DMXL1: variants seen among roughly 807,000 people sequenced by gnomAD.
DMXL1 encodes Dmx like 1, also known as dmX-like protein 1.
DMXL1 carries 99 observed loss-of-function variants against 319.2 expected under a neutral mutation model. The observed-to-expected ratio is 0.31, with a 90% CI of 0.26 to 0.37. DMXL1 has a LOEUF of 0.37. DMXL1 is among the 10% of genes least tolerant of loss of function. The pLI is 1.00. For missense variants in DMXL1, 3,745 were observed against 3,595.6 expected, an observed-to-expected ratio of 1.04 and a Z score of -1.06; for synonymous variants, 1,385 against 1,235.2, an observed-to-expected ratio of 1.12 and a Z score of -2.54.
chr5:119,204,143 A>T (rs1031400737), intron 33 of DMXL1, among the ~76,000 whole-genome samples: 3 of 151,140 alleles, frequency 2.0e-5, no homozygotes, highest in Admixed American at 2.0e-4. Flanking sequence ...TATTGTATTT[A>T]TTTATCTTTT....
Position 119,247,107 on chromosome 5 carries a change from C to G in DMXL1, c.9035C>G (p.Ala3012Gly). The G allele has an allele frequency of 6.2e-7, 1 of 1,613,978 alleles. No homozygotes were observed. The highest frequency in any genetic ancestry group is 8.5e-7 in the Non-Finnish European group (1 of 1,179,912). ...TGVMQIETGP[A>G]NHIFSCGADG... ...GTGATGCAAATTGAGACAGGGCCTGCAAATCACATTTTCTCCTGTGGAGCT... is the reference window on the plus strand; with the variant it reads ...GTGATGCAAATTGAGACAGGGCCTGGAAATCACATTTTCTCCTGTGGAGCT... Residue 3012 changes from alanine to glycine, a missense_variant, in exon 44 of 44, where the codon GCA (alanine) becomes GGA (glycine). Physicochemically the swap from Ala to Gly is moderately conservative, Grantham distance 60 (BLOSUM62 0). Around this residue, in one of 4 missense-constraint regions of DMXL1, gnomAD observed 262 missense variants for 320.5 expected, o/e 0.82. Coordinates refer to ENST00000539542, the MANE Select transcript of DMXL1 (RefSeq NM_001290321.3).
At chr5:119,135,460 G>A (rs932039295) in intron 13 of DMXL1, among the ~76,000 whole-genome samples, 2 of 152,214 alleles carry the variant, frequency 1.3e-5, no homozygotes, top group African/African-American at 4.8e-5. Context: ...ATTTATTAAA[G>A]AGAATGTGAT....
At chr5:119,187,623 A>AT (rs990766063) in intron 28 of DMXL1, among the ~76,000 whole-genome samples, 15 of 151,640 alleles carry the variant, frequency 9.9e-5, no homozygotes, top group Middle Eastern at 3.4e-3. Context: ...GAAACTGCCG[A>AT]TTTTTTTTCC....
intron 1 of DMXL1, among the ~76,000 whole-genome samples, chr5:119,080,745 C>A (rs1752017068): frequency 6.6e-6 from 1 of 152,122 alleles, no homozygotes; most frequent in Non-Finnish European, 1.5e-5. Context: ...GGTATGAATT[C>A]TTCCCAATGC....
Position 119,171,813 on chromosome 5 carries a change from A to G in DMXL1, c.6525A>G (p.Ser2175=). ...AACCACTATTTTCTAGCCCTCTGTC[A>G]GAGCAAACCTCAGTGCCTCTCCTCT... ...TSEPLFSSPL[S]EQTSVPLLFA... Residue 2175 remains serine, a synonymous_variant, in exon 25 of 44, where the codon TCA becomes TCG. Transcript: ENST00000539542. The G allele has an allele frequency of 6.2e-7, 1 of 1,613,120 alleles. No homozygotes were observed. The highest frequency in any genetic ancestry group is 8.5e-7 in the Non-Finnish European group (1 of 1,179,574).
intron 40 of DMXL1, 123 bp from the exon 41 acceptor site, chr5:119,238,866 A>G: frequency 6.9e-7 from 1 of 1,456,682 alleles, no homozygotes; most frequent in Non-Finnish European, 9.0e-7. Context: ...GTTCAAAGGA[A>G]AAAAACGATA....
chr5:119,238,031 G>A (rs1788072868), intron 40 of DMXL1, among the ~76,000 whole-genome samples: 1 of 152,094 alleles, frequency 6.6e-6, no homozygotes, highest in South Asian at 2.1e-4. Context: ...ACTGATCTAA[G>A]TAAAAGCAAG....
At chr5:119,108,767 T>C (rs1225806627) in intron 4 of DMXL1, among the ~76,000 whole-genome samples, 1 of 151,852 alleles carries the variant, frequency 6.6e-6, no homozygotes, top group Non-Finnish European at 1.5e-5. Flanking sequence ...TTTTTAAATA[T>C]TTGGTTGAGA....
chr5:119,140,590 G>A (rs527967959), intron 13 of DMXL1, among the ~76,000 whole-genome samples: 8 of 152,036 alleles, frequency 5.3e-5, no homozygotes, highest in African/African-American at 1.4e-4. Context: ...AGACTAATAC[G>A]AGCTCCGAAA....
At chr5:119,152,089 G>T in intron 19 of DMXL1, 53 bp downstream of exon 19, 1 of 1,242,360 alleles carries the variant, frequency 8.0e-7, no homozygotes, top group Non-Finnish European at 1.1e-6. Context: ...GAAAATGAGA[G>T]ACTTGGGAGT....
At chr5:119,214,997 C>G (rs1310965143) in intron 34 of DMXL1, among the ~76,000 whole-genome samples, 3 of 152,084 alleles carry the variant, frequency 2.0e-5, no homozygotes, top group Non-Finnish European at 4.4e-5. Context: ...CTTTAGATGC[C>G]AGGCAGATTG....
In DMXL1 at chr5:119,244,550, A is replaced by G; in HGVS notation, c.8896A>G (p.Thr2966Ala). Reference sequence around the variant, plus strand: ...TGATCCAACTGAAGAGTACTTTGTTACAGGATCTGCCGAAGGCAATATAAA... The same window carrying G: ...TGATCCAACTGAAGAGTACTTTGTTGCAGGATCTGCCGAAGGCAATATAAA... The part of the protein sequence containing the change: ...AVDPTEEYFV[T>A]GSAEGNIKIW... Residue 2966 changes from threonine (T) to alanine (A), a missense_variant, in exon 43 of 44, where the codon ACA becomes GCA. This residue lies in a region of DMXL1 where 262 missense variants were observed against 320.5 expected (regional missense o/e 0.82). Transcript: ENST00000539542. The G allele has an allele frequency of 6.2e-7, 1 of 1,614,172 alleles. No homozygotes were observed. The highest frequency in any genetic ancestry group is 8.5e-7 in the Non-Finnish European group (1 of 1,179,994).
chr5:119,156,153 C>T (rs922533430), intron 19 of DMXL1, among the ~76,000 whole-genome samples: 1 of 152,202 alleles, frequency 6.6e-6, no homozygotes. Flanking sequence ...CTATAGCCAT[C>T]CCAGCCTTCA....
chr5:119,135,143 G>GT (rs1765715874), intron 13 of DMXL1, among the ~76,000 whole-genome samples: 1 of 152,094 alleles, frequency 6.6e-6, no homozygotes, highest in African/African-American at 2.4e-5. Flanking sequence ...TCCAAAGCAT[G>GT]TATATAGTAT....
intron 1 of DMXL1, chr5:119,081,804 A>G (rs1402775711): frequency 1.2e-6 from 1 of 848,016 alleles, no homozygotes; most frequent in African/African-American, 1.8e-5. Flanking sequence ...GCCATAAGTT[A>G]TAAAGGTTTT....
chr5:119,140,960 A>C (rs1284934093), intron 13 of DMXL1, among the ~76,000 whole-genome samples: 1 of 152,070 alleles, frequency 6.6e-6, no homozygotes, highest in Non-Finnish European at 1.5e-5. Context: ...AACATATGAA[A>C]ATTAAATGTG....
At chr5:119,184,620 A>G (rs1561821512) in intron 28 of DMXL1, among the ~76,000 whole-genome samples, 1 of 152,184 alleles carries the variant, frequency 6.6e-6, no homozygotes, top group Non-Finnish European at 1.5e-5. Context: ...TGCAAATCTG[A>G]AACTATACCC....
At chr5:119,128,350 G>T (rs1165383936) in intron 9 of DMXL1, 1 of 284,212 alleles carries the variant, frequency 3.5e-6, no homozygotes, top group Non-Finnish European at 6.9e-6. Flanking sequence ...TGGGAGACTG[G>T]AAAATCCCAC....
At chr5:119,105,370 C>A in intron 4 of DMXL1, 112 bp downstream of exon 4, 1 of 786,266 alleles carries the variant, frequency 1.3e-6, no homozygotes, top group Non-Finnish European at 2.1e-6. Context: ...TGGGGAATAC[C>A]AAAGAAGTAA....
Sources: gnomAD v4.1 joint callset for allele counts (sites outside exome capture counted in the v4.1 genomes callset) on GRCh38, gnomAD v4.1.1 for gene constraint, gnomAD v4.1.1 regional missense constraint, MANE v1.5 for transcripts, NCBI Gene and HGNC (gene_info 2026-07-23, HGNC 2026-07-21) for gene names.